The following DDX31 variants were observed in gnomAD, a reference collection of about 807,000 sequenced individuals.
The protein encoded by DDX31 is ATP-dependent DNA helicase DDX31.
DDX31 carries 70 observed loss-of-function variants against 91.3 expected under a neutral mutation model. That is an observed-to-expected ratio of 0.77 (90% confidence interval 0.63 to 0.94). The LOEUF (loss-of-function observed/expected upper bound fraction) is 0.94. Ranked by LOEUF, DDX31 falls within the 40% of genes least tolerant of loss-of-function variation. DDX31 has a pLI of 0.00. For missense variants in DDX31, 902 were observed against 925.0 expected, an observed-to-expected ratio of 0.98 and a Z score of 0.32; for synonymous variants, 362 against 350.6, an observed-to-expected ratio of 1.03 and a Z score of -0.36.
intron 14 of DDX31, chr9:132,637,743 C>T (rs1341159125): frequency 1.1e-6 from 1 of 892,902 alleles, no homozygotes; most frequent in East Asian, 1.2e-4. Flanking sequence ...CGCCAAAAAA[C>T]TGGCAACATG....
chr9:132,650,371 C>G, intron 8 of DDX31, 73 bp from the exon 9 acceptor site: 1 of 1,453,926 alleles, frequency 6.9e-7, no homozygotes, highest in Non-Finnish European at 9.6e-7. Context: ...TCCAAATTCC[C>G]TTTCCTTAAA....
At chr9:132,645,274 T>A (rs150732860) in intron 13 of DDX31, among the ~76,000 whole-genome samples, 292 of 152,234 alleles carry the variant, frequency 1.9e-3, no homozygotes, top group African/African-American at 6.7e-3. Context: ...GCGACTCACA[T>A]AGCCAAGTCC....
chr9:132,602,151 T>C (rs1564274743), intron 19 of DDX31, among the ~76,000 whole-genome samples: 1 of 152,166 alleles, frequency 6.6e-6, no homozygotes, highest in Non-Finnish European at 1.5e-5. Context: ...AAAATGAAAG[T>C]AGTGAATTCT....
chr9:132,646,995 C>T lies in DDX31; in HGVS notation c.1031G>A (p.Ser344Asn). The T allele has an allele frequency of 1.2e-6, 2 of 1,614,236 alleles. No individual in the cohort carries two copies. The highest frequency in any genetic ancestry group is 1.7e-6 in the Non-Finnish European group (2 of 1,180,042). Residue 344 changes from serine (S) to asparagine (N), a missense_variant, in exon 12 of 20, where the codon AGC becomes AAC. By Grantham distance (46) the Ser-to-Asn change is conservative. Transcript: ENST00000372159. ...GTCCTTTGGGTTCAACTGGTCATGG[C>T]TCTTGTCCAGGACAGAAATACTGAC... is the stretch of plus-strand genomic sequence containing the variant. ...DPVSISVLDK[S>N]HDQLNPKDKA...
chr9:132,639,745 T>C (rs1230179174), intron 14 of DDX31, among the ~76,000 whole-genome samples: 1 of 152,262 alleles, frequency 6.6e-6, no homozygotes, highest in Non-Finnish European at 1.5e-5. Flanking sequence ...GTCTGTAAAG[T>C]GTTTGCATAC....
At chr9:132,633,530 A>G (rs1412146276) in intron 14 of DDX31, among the ~76,000 whole-genome samples, 1 of 152,236 alleles carries the variant, frequency 6.6e-6, no homozygotes, top group Non-Finnish European at 1.5e-5. Context: ...ATACAGCTAT[A>G]AAAAGAACAA....
intron 19 of DDX31, among the ~76,000 whole-genome samples, chr9:132,599,700 G>A (rs1830626868): frequency 6.6e-6 from 1 of 152,190 alleles, no homozygotes; most frequent in Non-Finnish European, 1.5e-5. Flanking sequence ...ATTTTGCGAG[G>A]GTGTAGTACA....
intron 6 of DDX31, among the ~76,000 whole-genome samples, chr9:132,652,693 CAT>C (rs891363716): frequency 3.3e-5 from 5 of 152,020 alleles, no homozygotes; most frequent in South Asian, 2.1e-4. Context: ...AGAATTCCCA[CAT>C]GTTGTAGGAG....
chr9:132,641,881 G>A, intron 14 of DDX31, 123 bp downstream of exon 14: 2 of 927,608 alleles, frequency 2.2e-6, no homozygotes, highest in Non-Finnish European at 3.3e-6. Context: ...GCCCCACCAA[G>A]GGGCCCCTAG....
At chr9:132,632,328 G>A (rs1192533336) in intron 14 of DDX31, among the ~76,000 whole-genome samples, 6 of 125,028 alleles carry the variant, frequency 4.8e-5, no homozygotes, top group Admixed American at 4.2e-4. Flanking sequence ...GGGGCTCAGG[G>A]ACCTACTGCA....
intron 6 of DDX31, among the ~76,000 whole-genome samples, chr9:132,653,942 A>C (rs1451948524): frequency 6.6e-6 from 1 of 152,222 alleles, no homozygotes; most frequent in Admixed American, 6.5e-5. Flanking sequence ...TGGCACATGA[A>C]TAGAGATTAT....
intron 1 of DDX31, among the ~76,000 whole-genome samples, chr9:132,666,624 T>C (rs1402832443): frequency 2.0e-5 from 3 of 152,120 alleles, no homozygotes; most frequent in Non-Finnish European, 4.4e-5. Context: ...TGGGTTCAAG[T>C]GATTCTCGTG....
At chr9:132,605,890 G>A (rs562536244) in intron 19 of DDX31, among the ~76,000 whole-genome samples, 16 of 152,244 alleles carry the variant, frequency 1.1e-4, no homozygotes, top group East Asian at 5.8e-4. Context: ...GGCAAGATGC[G>A]GTGAGGGCTG....
At chr9:132,607,926 G>A (rs1789384795) in intron 19 of DDX31, among the ~76,000 whole-genome samples, 1 of 152,198 alleles carries the variant, frequency 6.6e-6, no homozygotes, top group East Asian at 1.9e-4. Flanking sequence ...TATTGAGCGT[G>A]CCTGCTCACT....
In DDX31 at chr9:132,595,154, A is replaced by C; in HGVS notation, c.1995-42T>G. The C allele has an allele frequency of 6.3e-7, 1 of 1,582,924 alleles. No homozygotes were observed. The highest frequency in any genetic ancestry group is 8.6e-7 in the Non-Finnish European group (1 of 1,164,614). ...GCAGAGAGGGAAAAGAAACTTTATT[A>C]TTTTTCTTTCCCATTTGGAAAGAGG... On this transcript the variant is annotated intron_variant, in intron 19 of 19. Transcript: ENST00000372159. This position sits in a 1 kb window ranked among gnomAD's most constrained non-coding sequence, Gnocchi z 4.6.
chr9:132,663,287 G>C (rs1265463264), intron 1 of DDX31: 5 of 1,289,062 alleles, frequency 3.9e-6, no homozygotes, highest in East Asian at 1.1e-4. Context: ...AGATTCAGAC[G>C]GCCTGGAGAA....
intron 19 of DDX31, among the ~76,000 whole-genome samples, chr9:132,604,348 C>G (rs1449253405): frequency 6.6e-6 from 1 of 152,146 alleles, no homozygotes; most frequent in Admixed American, 6.5e-5. Flanking sequence ...GAGAAATGCC[C>G]TAAAGACACG....
intron 19 of DDX31, among the ~76,000 whole-genome samples, chr9:132,605,978 G>A (rs915651505): frequency 1.3e-5 from 2 of 152,164 alleles, no homozygotes; most frequent in African/African-American, 4.8e-5. Flanking sequence ...CGGATGGAGC[G>A]CCGGGGCTGA....
At chr9:132,669,573 C>G (rs1291666201) in intron 1 of DDX31, 2 of 1,472,726 alleles carry the variant, frequency 1.4e-6, no homozygotes, top group African/African-American at 2.8e-5. Flanking sequence ...GTCCTACCTT[C>G]CACGGGAAAC....
Sources: gnomAD v4.1 joint callset for allele counts (sites outside exome capture counted in the v4.1 genomes callset) on GRCh38, gnomAD v4.1.1 for gene constraint, Gnocchi (gnomAD v3.1) non-coding constraint, MANE v1.5 for transcripts, NCBI Gene and HGNC (gene_info 2026-07-23, HGNC 2026-07-21) for gene names.